SNTG1: variants seen among roughly 807,000 people sequenced by gnomAD.
SNTG1 encodes the protein gamma-1-syntrophin.
In SNTG1, 39 loss-of-function variants were observed where a neutral mutation model predicts 74.7. That is an observed-to-expected ratio of 0.52 (90% CI 0.40 to 0.68). The LOEUF (loss-of-function observed/expected upper bound fraction) is 0.68. Ranked by LOEUF, SNTG1 falls within the 30% of genes least tolerant of loss-of-function variation. The pLI, the probability that SNTG1 is intolerant of heterozygous loss-of-function variation, is 0.00. For synonymous variants in SNTG1, 254 were observed against 217.1 expected, an observed-to-expected ratio of 1.17 and a Z score of -1.49; for missense variants, 685 against 609.5, an observed-to-expected ratio of 1.12 and a Z score of -1.30.
At chr8:50,275,022 T>C (rs2088014288) in intron 2 of SNTG1, among the ~76,000 whole-genome samples, 1 of 152,126 alleles carries the variant, frequency 6.6e-6, no homozygotes, top group Non-Finnish European at 1.5e-5. Flanking sequence ...TATGCTGCAG[T>C]TTTCCTTTTT....
At chr8:50,682,655 T>C (rs1443504522) in intron 15 of SNTG1, among the ~76,000 whole-genome samples, 2 of 152,154 alleles carry the variant, frequency 1.3e-5, no homozygotes, top group Non-Finnish European at 2.9e-5. Context: ...TCCCACCTGG[T>C]TCCCACTTTG....
At chr8:50,679,898 G>A (rs1474003249) in intron 15 of SNTG1, among the ~76,000 whole-genome samples, 1 of 152,114 alleles carries the variant, frequency 6.6e-6, no homozygotes, top group African/African-American at 2.4e-5. Context: ...AATTGAGAGA[G>A]GGTCAAGATC....
At chr8:50,422,802 TG>T (rs2093110485) in intron 4 of SNTG1, among the ~76,000 whole-genome samples, 1 of 152,200 alleles carries the variant, frequency 6.6e-6, no homozygotes, top group South Asian at 2.1e-4. Context: ...GGCTAGCAGT[TG>T]TGTATGTCTA....
chr8:49,949,128 A>T (rs1809474290), intron 1 of SNTG1, among the ~76,000 whole-genome samples: 1 of 152,216 alleles, frequency 6.6e-6, no homozygotes, highest in Admixed American at 6.5e-5. Flanking sequence ...TCCAGGCCTG[A>T]TGGTTCTAAA....
intron 1 of SNTG1, among the ~76,000 whole-genome samples, chr8:50,037,594 T>C (rs1818272022): frequency 6.6e-6 from 1 of 152,228 alleles, no homozygotes; most frequent in South Asian, 2.1e-4. Context: ...TCCTAATATA[T>C]GTTGTGTATT....
intron 4 of SNTG1, among the ~76,000 whole-genome samples, chr8:50,430,423 G>A (rs116045963): frequency 0.028 from 4,239 of 152,070 alleles, 187 homozygotes; most frequent in African/African-American, 0.096. Flanking sequence ...TTATCTGTTA[G>A]TTCTTCTCTA....
At chr8:50,545,134 A>G (rs889008190) in intron 11 of SNTG1, among the ~76,000 whole-genome samples, 2 of 151,864 alleles carry the variant, frequency 1.3e-5, no homozygotes, top group Non-Finnish European at 2.9e-5. Flanking sequence ...CTTTTTTTCC[A>G]TAGCCCATAA....
intron 1 of SNTG1, among the ~76,000 whole-genome samples, chr8:50,066,656 T>C (rs1201397298): frequency 6.6e-6 from 1 of 152,250 alleles, no homozygotes; most frequent in Non-Finnish European, 1.5e-5. Flanking sequence ...TAATTCCTTT[T>C]CCATGTTCCA....
intron 15 of SNTG1, among the ~76,000 whole-genome samples, chr8:50,703,707 C>T (rs1456273863): frequency 6.6e-6 from 1 of 152,044 alleles, no homozygotes; most frequent in Non-Finnish European, 1.5e-5. Context: ...ACACAGCTGT[C>T]AGCACAGCAG....
chr8:50,723,565 G>A (rs1241156162), intron 17 of SNTG1, among the ~76,000 whole-genome samples: 1 of 152,098 alleles, frequency 6.6e-6, no homozygotes, highest in African/African-American at 2.4e-5. Flanking sequence ...CCAATAACAT[G>A]ACAACCACAT....
chr8:50,239,714 G>T (rs1036972605), intron 2 of SNTG1, among the ~76,000 whole-genome samples: 1 of 152,160 alleles, frequency 6.6e-6, no homozygotes, highest in African/African-American at 2.4e-5. Flanking sequence ...GGTTTGTGAG[G>T]ATACTTCGTC....
intron 1 of SNTG1, among the ~76,000 whole-genome samples, chr8:50,125,988 G>A (rs1316857429): frequency 6.6e-6 from 1 of 152,124 alleles, no homozygotes; most frequent in Non-Finnish European, 1.5e-5. Context: ...CATAAGAAGA[G>A]CTGTCTCTGG....
intron 1 of SNTG1, among the ~76,000 whole-genome samples, chr8:50,000,001 T>C (rs1249530652): frequency 6.6e-6 from 1 of 152,214 alleles, no homozygotes; most frequent in African/African-American, 2.4e-5. Flanking sequence ...TATCTGGTAT[T>C]GACTTGCAAT....
intron 9 of SNTG1, among the ~76,000 whole-genome samples, chr8:50,518,286 G>A (rs1223522137): frequency 6.6e-6 from 1 of 152,012 alleles, no homozygotes; most frequent in African/African-American, 2.4e-5. Context: ...GTACCAGAAT[G>A]TCTGGGACAC....
At chr8:50,208,506 GTTTATCCAA>G (rs2084354678) in intron 2 of SNTG1, among the ~76,000 whole-genome samples, 1 of 152,044 alleles carries the variant, frequency 6.6e-6, no homozygotes, top group Admixed American at 6.6e-5. Flanking sequence ...GGTCTTGACT[GTTTATCCAA>G]TTTACCATTC....
chr8:49,912,319 T>C (rs1805648537), intron 1 of SNTG1, 88 bp downstream of exon 1: 1 of 152,218 alleles, frequency 6.6e-6, no homozygotes, highest in Admixed American at 6.5e-5. Context: ...AGTGTAATTT[T>C]TTCTGGGGTT....
At chr8:50,504,619 C>A in intron 9 of SNTG1, among the ~76,000 whole-genome samples, 1 of 151,960 alleles carries the variant, frequency 6.6e-6, no homozygotes, top group East Asian at 1.9e-4. Context: ...TGGCAAAATG[C>A]CATCTCTACC....
At chr8:50,407,182 G>C (rs992721519) in intron 4 of SNTG1, among the ~76,000 whole-genome samples, 2 of 152,138 alleles carry the variant, frequency 1.3e-5, no homozygotes, top group African/African-American at 4.8e-5. Flanking sequence ...AGACAGTAGG[G>C]CAGAGATAAA....
At chr8:50,059,239 T>C (rs1820277971) in intron 1 of SNTG1, among the ~76,000 whole-genome samples, 1 of 152,160 alleles carries the variant, frequency 6.6e-6, no homozygotes, top group Non-Finnish European at 1.5e-5. Flanking sequence ...AAATAAGTTT[T>C]CATTTCACTG....
Sources: gnomAD v4.1 joint callset for allele counts (sites outside exome capture counted in the v4.1 genomes callset) on GRCh38, gnomAD v4.1.1 for gene constraint, MANE v1.5 for transcripts, NCBI Gene and HGNC (gene_info 2026-07-23, HGNC 2026-07-21) for gene names.